The following KCNT2 variants were observed in gnomAD, a reference collection of about 807,000 sequenced individuals.
KCNT2 encodes the protein potassium sodium-activated channel subfamily T member 2, also known as potassium channel subfamily T member 2.
In KCNT2, 67 loss-of-function variants were observed where a neutral mutation model predicts 153.8. The ratio of observed to expected loss-of-function variants is 0.44; its 90% CI spans 0.36 to 0.53. The LOEUF (loss-of-function observed/expected upper bound fraction) is 0.53, where lower values mean the gene tolerates loss of function less well. Among genes scored for constraint, KCNT2 ranks in the 20% least tolerant of loss-of-function variants. The pLI, the probability that KCNT2 is intolerant of heterozygous loss-of-function variation, is 0.00. For missense variants in KCNT2, 975 were observed against 1,354.8 expected (o/e 0.72, Z 4.40); for synonymous variants, 500 against 458.8 (o/e 1.09, Z -1.15).
At chr1:196,272,425 T>A (rs1000201693) in intron 25 of KCNT2, among the ~76,000 whole-genome samples, 1 of 151,760 alleles carries the variant, frequency 6.6e-6, no homozygotes, top group African/African-American at 2.4e-5. Context: ...GTCAACCCTC[T>A]GAAAAACCTT....
At chr1:196,479,129 T>C in intron 5 of KCNT2, 50 bp downstream of exon 5, 1 of 1,150,354 alleles carries the variant, frequency 8.7e-7, no homozygotes, top group Non-Finnish European at 1.3e-6. Flanking sequence ...ACTGAGTAAA[T>C]ACTACAGATG....
intron 8 of KCNT2, among the ~76,000 whole-genome samples, chr1:196,456,481 C>A (rs182556933): frequency 4.7e-4 from 72 of 152,050 alleles, no homozygotes; most frequent in Admixed American, 1.3e-3. Flanking sequence ...TGTCTTATTT[C>A]TTTGATTAAC....
Position 196,333,882 on chromosome 1 carries a change from T to C in KCNT2, c.1962A>G (p.Glu654=). 1.2e-6 allele frequency: 2 copies of C among 1,612,158 alleles called. No individual in the cohort carries two copies. Among genetic ancestry groups the C allele is most frequent in the African/African-American group, 2.7e-5 (2 of 74,986 alleles). Residue 654 remains glutamate (E), a synonymous_variant, in exon 17 of 28, where the codon GAA becomes GAG. Transcript: ENST00000294725. ...AAGACATTTCTTCATCTGGTGTAGTTTCATCTTCTGATTGGTCACTTAGAA... is the reference window on the plus strand; with the variant it reads ...AAGACATTTCTTCATCTGGTGTAGTCTCATCTTCTGATTGGTCACTTAGAA... ...CDLLSDQSED[E]TTPDEEMSSN... is the part of the protein sequence containing the mutation.
chr1:196,583,198 A>C (rs1662275342), intron 1 of KCNT2, among the ~76,000 whole-genome samples: 1 of 152,116 alleles, frequency 6.6e-6, no homozygotes, highest in South Asian at 2.1e-4. Context: ...AAATGGACTC[A>C]TGAGGACAAC....
intron 21 of KCNT2, among the ~76,000 whole-genome samples, chr1:196,312,916 C>T (rs1441282298): frequency 1.3e-5 from 2 of 151,630 alleles, no homozygotes; most frequent in Non-Finnish European, 2.9e-5. Context: ...ATGAGGGTAA[C>T]TGGATCCTAC....
At chr1:196,594,121 C>T (rs930882927) in intron 1 of KCNT2, among the ~76,000 whole-genome samples, 1 of 152,028 alleles carries the variant, frequency 6.6e-6, no homozygotes, top group African/African-American at 2.4e-5. Flanking sequence ...GACAATGGCA[C>T]TGCTGGCTGT....
chr1:196,256,366 A>C (rs1656494263), intron 26 of KCNT2, among the ~76,000 whole-genome samples: 1 of 152,150 alleles, frequency 6.6e-6, no homozygotes, highest in Admixed American at 6.6e-5. Context: ...CATCCTTGTA[A>C]GCTGTGGTCC....
At chr1:196,308,329 TCTCAACCCTGA>T (rs1289491122) in intron 21 of KCNT2, among the ~76,000 whole-genome samples, 2 of 151,984 alleles carry the variant, frequency 1.3e-5, no homozygotes, top group East Asian at 3.9e-4. Flanking sequence ...AGGGTGCCTG[TCTCAACCCTGA>T]CTCTATCTTT....
intron 1 of KCNT2, among the ~76,000 whole-genome samples, chr1:196,513,745 C>CT (rs1681828235): frequency 6.6e-6 from 1 of 152,120 alleles, no homozygotes; most frequent in Non-Finnish European, 1.5e-5. Flanking sequence ...CACAATAGTA[C>CT]TTATTATAAT....
intron 25 of KCNT2, among the ~76,000 whole-genome samples, chr1:196,272,534 G>T (rs1437236727): frequency 6.6e-6 from 1 of 151,764 alleles, no homozygotes. Flanking sequence ...AGATGGAGAG[G>T]ATCTTCCAGA....
At chr1:196,586,791 T>C (rs1662742135) in intron 1 of KCNT2, among the ~76,000 whole-genome samples, 1 of 152,100 alleles carries the variant, frequency 6.6e-6, no homozygotes, top group Non-Finnish European at 1.5e-5. Flanking sequence ...TTACAAACTA[T>C]ATATTCTTCG....
rs117809914 is a variant in KCNT2 at position 196,275,919 on chromosome 1, A to G, written c.2910+4941T>C. The stretch of plus-strand genomic sequence containing the variant: ...AGTGCTTTTTACTAGTTATACATGC[A>G]TGGTTTGAACAGTCAGAAAATGTTA... On this transcript the variant is annotated intron_variant, in intron 25 of 27. Transcript: ENST00000294725. Among the ~76,000 whole-genome samples the G allele has an allele frequency of 8.0e-4, 122 of 152,138 alleles. 2 individuals carry two copies. In the East Asian group the frequency reaches 0.021, roughly 26 times the overall value.
At chr1:196,333,483 G>A (rs1664689778) in intron 17 of KCNT2, among the ~76,000 whole-genome samples, 1 of 152,054 alleles carries the variant, frequency 6.6e-6, no homozygotes, top group Admixed American at 6.6e-5. Context: ...CAATATGGAT[G>A]TGCAATAAAG....
intron 12 of KCNT2, among the ~76,000 whole-genome samples, 160 bp downstream of exon 12, chr1:196,422,890 A>C (rs376775367): frequency 1.4e-4 from 21 of 152,096 alleles, no homozygotes; most frequent in African/African-American, 4.8e-4. Flanking sequence ...CAATGATACA[A>C]CTGTTCTTAT....
At chr1:196,422,984 C>T in intron 12 of KCNT2, 66 bp downstream of exon 12, 2 of 1,092,612 alleles carry the variant, frequency 1.8e-6, no homozygotes, top group African/African-American at 1.6e-5. Flanking sequence ...TTTTTAAAAA[C>T]TCAAATTAAA....
intron 22 of KCNT2, among the ~76,000 whole-genome samples, chr1:196,304,260 T>G (rs555716084): frequency 2.6e-5 from 4 of 152,174 alleles, no homozygotes; most frequent in Non-Finnish European, 5.9e-5. Context: ...TCTGTCATAA[T>G]TGGTAATTAA....
intron 12 of KCNT2, among the ~76,000 whole-genome samples, chr1:196,420,237 T>C (rs1673089418): frequency 1.3e-5 from 2 of 152,118 alleles, no homozygotes; most frequent in South Asian, 4.1e-4. Flanking sequence ...TCTAGTCTAC[T>C]ATTCTTATTT....
At chr1:196,490,850 G>T (rs1026299116) in intron 2 of KCNT2, among the ~76,000 whole-genome samples, 3 of 151,786 alleles carry the variant, frequency 2.0e-5, no homozygotes, top group Non-Finnish European at 2.9e-5. Context: ...TTTTGATAAA[G>T]GCCTTCCTAT....
intron 1 of KCNT2, among the ~76,000 whole-genome samples, chr1:196,562,769 T>A (rs1659591317): frequency 6.6e-6 from 1 of 151,856 alleles, no homozygotes; most frequent in African/African-American, 2.4e-5. Context: ...GCTCAATGTC[T>A]TTAACAATCA....
Sources: gnomAD v4.1 joint callset for allele counts (sites outside exome capture counted in the v4.1 genomes callset) on GRCh38, gnomAD v4.1.1 for gene constraint, MANE v1.5 for transcripts, NCBI Gene and HGNC (gene_info 2026-07-23, HGNC 2026-07-21) for gene names.